CNOT6: variants seen among roughly 807,000 people sequenced by gnomAD.
CNOT6 encodes CCR4-NOT transcription complex subunit 6.
Under a neutral mutation model 61.2 loss-of-function variants are expected in CNOT6, and 12 were observed. The ratio of observed to expected loss-of-function variants is 0.20; its 90% confidence interval spans 0.13 to 0.32. The LOEUF (loss-of-function observed/expected upper bound fraction) is 0.32. CNOT6 is among the 10% of genes least tolerant of loss of function. The probability of loss-of-function intolerance (pLI) is 1.00; values close to 1 mark genes in which losing one functional copy is unlikely to be tolerated. For synonymous variants in CNOT6, 225 were observed against 240.6 expected (o/e 0.94, Z 0.60); for missense variants, 405 against 663.9 (o/e 0.61, Z 4.28).
chr5:180,564,634 T>C (rs1032120571), intron 5 of CNOT6, 41 bp downstream of exon 5: 5 of 1,606,230 alleles, frequency 3.1e-6, no homozygotes, highest in Non-Finnish European at 4.3e-6. Context: ...TAGGAAGACG[T>C]GTAAGAATAT....
Position 180,569,294 on chromosome 5 carries a change from T to C in CNOT6, c.1212T>C (p.Thr404=). The change falls in exon 10 of 12, where the codon ACT becomes ACC. Residue 404 remains threonine, a synonymous_variant. Transcript: ENST00000261951. ...LKSSVLGEFG[T]IPLVLCADLN... Reference sequence around the variant, plus strand: ...CCAGTGTTTTGGGAGAATTTGGAACTATTCCACTTGTGTTATGTGCAGATC... The same window carrying C: ...CCAGTGTTTTGGGAGAATTTGGAACCATTCCACTTGTGTTATGTGCAGATC... 1 of 1,614,134 alleles carries C rather than the reference T, an allele frequency of 6.2e-7. No homozygotes were observed.
chr5:180,557,025 A>G (rs571628078), intron 4 of CNOT6, among the ~76,000 whole-genome samples: 35 of 151,962 alleles, frequency 2.3e-4, no homozygotes, highest in African/African-American at 6.8e-4. Flanking sequence ...GGGCTTTTCC[A>G]CTCAGGTTAA....
At chr5:180,537,802 CT>C (rs1472225895) in intron 2 of CNOT6, among the ~76,000 whole-genome samples, 1 of 64,134 alleles carries the variant, frequency 1.6e-5, no homozygotes, top group African/African-American at 4.9e-5. Flanking sequence ...CTCTTTCTCT[CT>C]CTTTTTTTTT....
chr5:180,528,760 A>G (rs1758212264), intron 1 of CNOT6, among the ~76,000 whole-genome samples: 1 of 152,200 alleles, frequency 6.6e-6, no homozygotes, highest in South Asian at 2.1e-4. Flanking sequence ...AGCTTCTTCA[A>G]GCTGGCTTCT....
chr5:180,537,399 A>G (rs890361381), intron 2 of CNOT6, among the ~76,000 whole-genome samples: 1 of 151,820 alleles, frequency 6.6e-6, no homozygotes, highest in African/African-American at 2.4e-5. Context: ...ATCTTTTCAT[A>G]TGCTTTTTTG....
chr5:180,526,398 G>C (rs1292293114), intron 1 of CNOT6, among the ~76,000 whole-genome samples: 1 of 152,154 alleles, frequency 6.6e-6, no homozygotes, highest in Admixed American at 6.5e-5. Context: ...TGAGGGGGTG[G>C]ATCGAATTGC....
At chr5:180,495,671 G>T (rs1348396592) in intron 1 of CNOT6, 1 of 152,214 alleles carries the variant, frequency 6.6e-6, no homozygotes, top group Non-Finnish European at 1.5e-5. Context: ...CTCATTGTTA[G>T]TGCTGAATCT....
rs990588874 is a variant in CNOT6, at chr5:180,521,809, G to A, written c.-2-7466G>A. On this transcript the variant is annotated intron_variant, in intron 1 of 11. Transcript: ENST00000261951. The stretch of plus-strand genomic sequence containing the variant: ...ACAGTATTTGGTTTTCTTTTCCTAC[G>A]TTAATTCACTTAGGATAATAGCCTC... Among the ~76,000 whole-genome samples, 17 of 152,164 alleles carry A rather than the reference G, an allele frequency of 1.1e-4. No homozygotes were observed. The South Asian group carries it at 1.5e-3, about 13-fold the overall frequency.
chr5:180,567,712 C>A, intron 8 of CNOT6, 137 bp from the exon 9 acceptor site: 1 of 1,102,200 alleles, frequency 9.1e-7, no homozygotes, highest in Non-Finnish European at 1.3e-6. Context: ...TGATGCTGAA[C>A]GTGGAGGATT....
chr5:180,543,295 G>A (rs1449232849), intron 2 of CNOT6, among the ~76,000 whole-genome samples: 11 of 152,114 alleles, frequency 7.2e-5, no homozygotes, highest in African/African-American at 2.2e-4. Flanking sequence ...TCCTGACCTC[G>A]TGGTACACCC....
chr5:180,507,994 C>G (rs35197594), intron 1 of CNOT6, among the ~76,000 whole-genome samples: 40,638 of 151,584 alleles, frequency 0.27, 6,127 homozygotes, highest in Middle Eastern at 0.41. Context: ...ACCTCCAGCA[C>G]TGGGGATACA....
At chr5:180,553,496 T>C (rs1759720946) in intron 4 of CNOT6, 25 bp downstream of exon 4, 1 of 1,553,324 alleles carries the variant, frequency 6.4e-7, no homozygotes, top group African/African-American at 1.4e-5. Context: ...TTTGTACTTC[T>C]TATGGTTTGT....
chr5:180,569,783 T>G (rs902310489), intron 10 of CNOT6, among the ~76,000 whole-genome samples: 1 of 152,176 alleles, frequency 6.6e-6, no homozygotes, highest in African/African-American at 2.4e-5. Flanking sequence ...AATGAGCTCC[T>G]TTATTTGCAC....
chr5:180,497,789 A>T (rs1226165118), intron 1 of CNOT6, among the ~76,000 whole-genome samples: 1 of 152,186 alleles, frequency 6.6e-6, no homozygotes, highest in Non-Finnish European at 1.5e-5. Flanking sequence ...CATGCCTTTA[A>T]TCCCAGCACT....
Position 180,571,290 on chromosome 5 carries a change from T to C in CNOT6, c.1319T>C (p.Leu440Ser). 6.2e-7 allele frequency: 1 copy of C among 1,614,030 alleles called. No individual in the cohort carries two copies. The highest frequency in any genetic ancestry group is 8.5e-7 in the Non-Finnish European group (1 of 1,179,896). The change falls in exon 11 of 12, where the codon TTG (leucine) becomes TCG (serine). Residue 440 changes from leucine to serine, a missense_variant. Around this residue, in one of 5 missense-constraint regions of CNOT6, gnomAD observed 116 missense variants for 184.6 expected, o/e 0.63. Transcript: ENST00000261951. ...ACAAATCACAAAGACTTTAAGGAGT[T>C]GAGGTATAATGAAAGTCTCACAAAC... ...VETNHKDFKE[L>S]RYNESLTNFS...
chr5:180,503,896 C>T (rs561799590), intron 1 of CNOT6, among the ~76,000 whole-genome samples: 3 of 152,116 alleles, frequency 2.0e-5, no homozygotes, highest in Non-Finnish European at 2.9e-5. Flanking sequence ...TGAGCCACTG[C>T]GCCTGGCCCC....
At chr5:180,537,913 T>C (rs1337698599) in intron 2 of CNOT6, among the ~76,000 whole-genome samples, 1 of 152,046 alleles carries the variant, frequency 6.6e-6, no homozygotes, top group Non-Finnish European at 1.5e-5. Flanking sequence ...TATTCGCTTA[T>C]TTGTGATTTA....
intron 4 of CNOT6, among the ~76,000 whole-genome samples, chr5:180,554,517 G>GTTTT (rs11391000): frequency 1.2e-4 from 18 of 151,316 alleles, no homozygotes; most frequent in South Asian, 4.2e-4. Flanking sequence ...TAAAAGAACA[G>GTTTT]TTTTTTTTAA....
chr5:180,497,053 C>T (rs182710875), intron 1 of CNOT6, among the ~76,000 whole-genome samples: 265 of 152,210 alleles, frequency 1.7e-3, no homozygotes, highest in African/African-American at 5.7e-3. Context: ...TTATGCCAGG[C>T]GCGGTGACTC....
Sources: gnomAD v4.1 joint callset for allele counts (sites outside exome capture counted in the v4.1 genomes callset) on GRCh38, gnomAD v4.1.1 for gene constraint, gnomAD v4.1.1 regional missense constraint, MANE v1.5 for transcripts, NCBI Gene and HGNC (gene_info 2026-07-23, HGNC 2026-07-21) for gene names.